The following TSPAN18 variants were observed in gnomAD, a reference collection of about 807,000 sequenced individuals.
TSPAN18 encodes the protein tetraspanin 18.
Under a neutral mutation model 27.3 loss-of-function variants are expected in TSPAN18, and 14 were observed. That is an observed-to-expected ratio of 0.51 (90% CI 0.34 to 0.80). The LOEUF (loss-of-function observed/expected upper bound fraction) is 0.80. Ranked by LOEUF, TSPAN18 falls within the 30% of genes least tolerant of loss-of-function variation. The pLI, the probability that TSPAN18 is intolerant of heterozygous loss-of-function variation, is 0.01. For missense variants in TSPAN18, 268 were observed against 323.9 expected, an observed-to-expected ratio of 0.83 and a Z score of 1.32; for synonymous variants, 143 against 136.5, an observed-to-expected ratio of 1.05 and a Z score of -0.33.
chr11:44,776,829 C>T (rs952491737), intron 2 of TSPAN18, among the ~76,000 whole-genome samples: 1 of 152,160 alleles, frequency 6.6e-6, no homozygotes, highest in Admixed American at 6.5e-5. Context: ...ATCCTAGGAC[C>T]TGGTTGAGTG....
At chr11:44,812,911 T>C (rs1227736634) in intron 2 of TSPAN18, among the ~76,000 whole-genome samples, 3 of 152,204 alleles carry the variant, frequency 2.0e-5, no homozygotes, top group African/African-American at 7.2e-5. Flanking sequence ...GCACTATTGC[T>C]TATTTGCCCT....
chr11:44,902,734 C>G (rs1859307986), intron 3 of TSPAN18, among the ~76,000 whole-genome samples: 2 of 152,266 alleles, frequency 1.3e-5, no homozygotes, highest in East Asian at 3.9e-4. Context: ...GCAGGCAGCT[C>G]TAGGCTTTCA....
Position 44,930,065 on chromosome 11 carries a change from T to A in TSPAN18, c.*887T>A, listed in dbSNP as rs1178640207. 6.6e-6 allele frequency: 1 copy of A among 152,398 alleles called. No homozygotes were observed. Among genetic ancestry groups the A allele is most frequent in the Non-Finnish European group, 1.5e-5 (1 of 68,220 alleles). The allele number at this position is 152,398 out of a possible 1,614,324, so 9.4% of individuals were successfully genotyped here. A position where few individuals can be genotyped will look rare whatever the true frequency, so the allele number is the denominator to read the frequency against. ...GCTCCTACCTCCCCACACCTCTCTC[T>A]GAGTCCCCAGGAACACACAGAGGTG... On this transcript the variant is annotated 3_prime_UTR_variant, in exon 10 of 10. Coordinates refer to ENST00000520358, the MANE Select transcript of TSPAN18 (RefSeq NM_130783.5).
At chr11:44,782,545 C>CAAA (rs71038822) in intron 2 of TSPAN18, among the ~76,000 whole-genome samples, 5 of 110,684 alleles carry the variant, frequency 4.5e-5, no homozygotes, top group African/African-American at 9.8e-5. Context: ...TCCGTCTCCA[C>CAAA]AAAAAAAAAA....
intron 2 of TSPAN18, among the ~76,000 whole-genome samples, chr11:44,783,524 G>T (rs1005215356): frequency 6.6e-6 from 1 of 151,510 alleles, no homozygotes; most frequent in Non-Finnish European, 1.5e-5. Context: ...TCAGCCTCCC[G>T]AGTAGCTGGG....
At chr11:44,738,439 C>T (rs1006587259) in intron 1 of TSPAN18, among the ~76,000 whole-genome samples, 1 of 152,202 alleles carries the variant, frequency 6.6e-6, no homozygotes, top group Non-Finnish European at 1.5e-5. Flanking sequence ...CCTCTCTGTG[C>T]CTCATTTTCC....
At chr11:44,926,632 T>C (rs1860366188) in intron 8 of TSPAN18, 42 bp from the exon 9 acceptor site, 1 of 1,586,398 alleles carries the variant, frequency 6.3e-7, no homozygotes, top group Admixed American at 1.7e-5. Context: ...TCCAGGACTC[T>C]CAACCCTGGC....
At chr11:44,728,220 A>T (rs1159831470) in intron 1 of TSPAN18, among the ~76,000 whole-genome samples, 1 of 152,228 alleles carries the variant, frequency 6.6e-6, no homozygotes, top group East Asian at 1.9e-4. Context: ...CGTGGGCTGG[A>T]AAGGCTAGGA....
At chr11:44,864,777 CT>C (rs1857990710) in intron 3 of TSPAN18, among the ~76,000 whole-genome samples, 1 of 152,200 alleles carries the variant, frequency 6.6e-6, no homozygotes, top group South Asian at 2.1e-4. Context: ...CCCTTTGATG[CT>C]TCTTTGGATC....
At chr11:44,878,282 C>T (rs1028391555) in intron 3 of TSPAN18, among the ~76,000 whole-genome samples, 4 of 152,240 alleles carry the variant, frequency 2.6e-5, no homozygotes, top group Admixed American at 2.0e-4. Context: ...CTCCTCTTCC[C>T]GCTAACAGGC....
At chr11:44,749,065 G>A (rs146503924) in intron 1 of TSPAN18, among the ~76,000 whole-genome samples, 65 of 152,344 alleles carry the variant, frequency 4.3e-4, no homozygotes, top group African/African-American at 1.6e-3. Flanking sequence ...GGCAGAGCTG[G>A]ATCTGCACCT....
At chr11:44,920,078 C>T in intron 8 of TSPAN18, 79 bp downstream of exon 8, 1 of 1,411,762 alleles carries the variant, frequency 7.1e-7, no homozygotes, top group East Asian at 2.3e-5. Context: ...GGCGCTATCA[C>T]CCCAGAGGGT....
At chr11:44,913,470 A>G (rs1859796876) in intron 5 of TSPAN18, among the ~76,000 whole-genome samples, 1 of 152,204 alleles carries the variant, frequency 6.6e-6, no homozygotes, top group Non-Finnish European at 1.5e-5. Context: ...TCATTTGCTT[A>G]CCTTTGAGTA....
chr11:44,843,544 T>C (rs1857418635), intron 2 of TSPAN18, among the ~76,000 whole-genome samples: 1 of 152,192 alleles, frequency 6.6e-6, no homozygotes, highest in Non-Finnish European at 1.5e-5. Flanking sequence ...GGTTTTGAGA[T>C]CAACCGGTCT....
chr11:44,923,294 CTG>C (rs1860214781), intron 8 of TSPAN18, among the ~76,000 whole-genome samples: 2 of 152,106 alleles, frequency 1.3e-5, no homozygotes, highest in South Asian at 4.2e-4. Flanking sequence ...TGGGTGGTGA[CTG>C]TGGGTGGCAG....
At chr11:44,730,558 C>G (rs1854627717) in intron 1 of TSPAN18, among the ~76,000 whole-genome samples, 1 of 151,896 alleles carries the variant, frequency 6.6e-6, no homozygotes, top group South Asian at 2.1e-4. Flanking sequence ...CCTCCTGCCA[C>G]CCGGGCTGGC....
At chr11:44,881,448 C>T (rs1858486955) in intron 3 of TSPAN18, among the ~76,000 whole-genome samples, 1 of 152,194 alleles carries the variant, frequency 6.6e-6, no homozygotes, top group Non-Finnish European at 1.5e-5. Flanking sequence ...TTTCTTTGAG[C>T]ATCACTCAAG....
chr11:44,804,940 C>G (rs1168269431), intron 2 of TSPAN18, among the ~76,000 whole-genome samples: 5 of 152,166 alleles, frequency 3.3e-5, no homozygotes, highest in African/African-American at 9.7e-5. Flanking sequence ...GCCCAGCCAC[C>G]TGGGGAGGGC....
At position 44,763,325 on chromosome 11, in the gene TSPAN18, G is replaced by T. The variant is rs1308349236; in HGVS notation, c.-239-1101G>T. On this transcript the variant is annotated intron_variant, in intron 1 of 9. Transcript: ENST00000520358. ...TGCATGTGACTGAGCCAATCTCTTGGGACTGGCCTGTCTCTGCTGGCAGGT... is the reference window on the plus strand; with the variant it reads ...TGCATGTGACTGAGCCAATCTCTTGTGACTGGCCTGTCTCTGCTGGCAGGT... Among the ~76,000 whole-genome samples, 376 of 152,200 alleles carry T rather than the reference G, an allele frequency of 2.5e-3. 3 individuals carry two copies. Among genetic ancestry groups the T allele is most frequent in the African/African-American group, 8.7e-3 (360 of 41,542 alleles).
Sources: gnomAD v4.1 joint callset for allele counts (sites outside exome capture counted in the v4.1 genomes callset) on GRCh38, gnomAD v4.1.1 for gene constraint, MANE v1.5 for transcripts, NCBI Gene and HGNC (gene_info 2026-07-23, HGNC 2026-07-21) for gene names.